Variants in CARD10 observed in about 807,000 individuals in gnomAD.
CARD10 encodes the protein caspase recruitment domain family member 10.
CARD10 carries 49 observed loss-of-function variants against 114.6 expected under a neutral mutation model. That is an observed-to-expected ratio of 0.43 (90% CI 0.34 to 0.54). CARD10 has a LOEUF of 0.54. CARD10 is among the 20% of genes least tolerant of loss of function. The pLI, the probability that CARD10 is intolerant of heterozygous loss-of-function variation, is 0.03. For missense variants in CARD10, 1,206 were observed against 1,397.2 expected (o/e 0.86, Z 2.18); for synonymous variants, 602 against 593.2 (o/e 1.01, Z -0.21).
At chr22:37,503,143 C>T (rs761091224) in intron 10 of CARD10, 42 bp downstream of exon 10, 2 of 1,603,906 alleles carry the variant, frequency 1.2e-6, no homozygotes, top group Admixed American at 3.4e-5. Context: ...GCCACCTCCC[C>T]CGACCAGAGG....
chr22:37,508,480 G>C (rs367729590), intron 5 of CARD10, 47 bp downstream of exon 5: 21 of 1,532,804 alleles, frequency 1.4e-5, no homozygotes, highest in Non-Finnish European at 1.7e-5. Flanking sequence ...CACAGGCCCT[G>C]CCTGACACCC....
chr22:37,503,499 CCACCCCTGATCTCT>C (rs1923294643), intron 9 of CARD10, among the ~76,000 whole-genome samples: 1 of 152,128 alleles, frequency 6.6e-6, no homozygotes, highest in Non-Finnish European at 1.5e-5. Context: ...CTCCTGGAAG[CCACCCCTGATCTCT>C]CACCCCTCAC....
chr22:37,495,080 A>G (rs916289966), intron 15 of CARD10, among the ~76,000 whole-genome samples: 5 of 151,798 alleles, frequency 3.3e-5, no homozygotes, highest in Admixed American at 3.3e-4. Flanking sequence ...CTCCCGCCTC[A>G]GCCTCCCAAG....
Position 37,496,420 on chromosome 22 carries a change from A to G in CARD10, c.2059+29T>C. On this transcript the variant is annotated intron_variant, in intron 13 of 19. Transcript: ENST00000251973. The surrounding 1 kb of genome is among the most constrained non-coding windows in gnomAD (Gnocchi z 4.1). ...CGGGTTAGAGGACCCCTCTGGGGCCAACAGCTCCGACTCCCAAGCCAGACT... is the reference window on the plus strand; with the variant it reads ...CGGGTTAGAGGACCCCTCTGGGGCCGACAGCTCCGACTCCCAAGCCAGACT... 1 of 1,549,748 alleles carries G rather than the reference A, an allele frequency of 6.5e-7. No homozygotes were observed. The highest frequency in any genetic ancestry group is 8.9e-7 in the Non-Finnish European group (1 of 1,123,666).
intron 3 of CARD10, chr22:37,514,600 A>G (rs1923772080): frequency 6.6e-6 from 1 of 152,334 alleles, no homozygotes; most frequent in Non-Finnish European, 1.5e-5. Context: ...CCTCCCCAAG[A>G]TATCGACCCA....
chr22:37,499,391 G>A (rs114007626), intron 11 of CARD10, among the ~76,000 whole-genome samples: 2,727 of 152,128 alleles, frequency 0.018, 106 homozygotes, highest in African/African-American at 0.063. Context: ...ATCACCTCTC[G>A]CTTGCCTCAG....
At position 37,518,105 on chromosome 22, in the gene CARD10, C is replaced by T. The variant is rs772945473; in HGVS notation, c.239G>A (p.Arg80His). The change falls in exon 2 of 20, where the codon CGC becomes CAC. Residue 80 changes from arginine (R) to histidine (H), a missense_variant. Physicochemically the swap from Arg to His is conservative, Grantham distance 29. Coordinates refer to ENST00000251973, the MANE Select transcript of CARD10 (RefSeq NM_014550.4). ...ACGGCAGCGCAAGATGTCCATCAGGCGCCCTACAGAGTAGTGGGGGGATGT... is the reference window on the plus strand; with the variant it reads ...ACGGCAGCGCAAGATGTCCATCAGGTGCCCTACAGAGTAGTGGGGGGATGT... ...RFPCRVNRTG[R>H]LMDILRCRGK... The T allele has an allele frequency of 4.3e-6, 7 of 1,613,630 alleles. No homozygotes were observed. The highest frequency in any genetic ancestry group is 2.2e-5 in the South Asian group (2 of 91,068).
intron 7 of CARD10, 108 bp from the exon 8 acceptor site, chr22:37,504,877 C>A: frequency 1.9e-6 from 1 of 522,724 alleles, no homozygotes; most frequent in South Asian, 6.9e-5. Context: ...GATCCCTGTC[C>A]TCAGGGAGCT....
intron 8 of CARD10, 109 bp downstream of exon 8, chr22:37,504,526 C>A: frequency 1.4e-6 from 2 of 1,435,462 alleles, no homozygotes; most frequent in South Asian, 1.7e-5. Context: ...GGCCTCCCTG[C>A]GCCTCAGTGT....
chr22:37,504,507 A>C, intron 8 of CARD10, 128 bp downstream of exon 8: 1 of 1,383,854 alleles, frequency 7.2e-7, no homozygotes, highest in Non-Finnish European at 9.6e-7. Context: ...GAGCTTCAGT[A>C]AAGTACTTGG....
At chr22:37,509,086 TG>T (rs1235787470) in intron 4 of CARD10, 2 of 1,546,308 alleles carry the variant, frequency 1.3e-6, no homozygotes, top group Admixed American at 4.0e-5. Flanking sequence ...GGGCTGAGCC[TG>T]GCCCATACAG....
chr22:37,494,160 C>T lies in CARD10; in HGVS notation c.2402G>A (p.Arg801Gln), dbSNP rs868486484. Residue 801 changes from arginine to glutamine, a missense_variant, in exon 16 of 20, where the codon CGG becomes CAG. Transcript: ENST00000251973. ...CCCCACGGGCTTGGGCCTCACCAGC[C>T]GCAGCTGGTCCAGGGCTCTCTTCTT... ...NLKKRALDQL[R>Q]LVRPKPVGAP... 57 of 1,556,386 alleles carry T rather than the reference C, an allele frequency of 3.7e-5. No homozygotes were observed. Among genetic ancestry groups the T allele is most frequent in the Non-Finnish European group, 4.8e-5 (55 of 1,150,220 alleles).
chr22:37,495,926 G>A lies in CARD10; in HGVS notation c.2137C>T (p.Leu713Phe). Reference sequence around the variant, plus strand: ...GGATCTGCCCTCTCAGGCAAGGTGAGGTTGGCACGAATGTAGAAGGGCTCG... The same window carrying A: ...GGATCTGCCCTCTCAGGCAAGGTGAAGTTGGCACGAATGTAGAAGGGCTCG... Reference protein sequence around the residue: ...GAEPFYIRANLTLPERADPHA... With the variant: ...GAEPFYIRANFTLPERADPHA... The change falls in exon 14 of 20, where the codon CTC becomes TTC. Residue 713 changes from leucine (L) to phenylalanine (F), a missense_variant. Around this residue, in one of 2 missense-constraint regions of CARD10, gnomAD observed 1,068 missense variants for 1,179.1 expected, o/e 0.91. Coordinates refer to ENST00000251973, the MANE Select transcript of CARD10 (RefSeq NM_014550.4). The A allele has an allele frequency of 6.2e-7, 1 of 1,614,196 alleles. No individual in the cohort carries two copies. The highest frequency in any genetic ancestry group is 8.5e-7 in the Non-Finnish European group (1 of 1,180,048).
intron 1 of CARD10, among the ~76,000 whole-genome samples, chr22:37,518,414 G>A (rs1168887239): frequency 2.6e-5 from 4 of 152,184 alleles, no homozygotes; most frequent in Non-Finnish European, 5.9e-5. Context: ...ATCCCCAGAA[G>A]CAAAGAAAAT....
At chr22:37,507,565 G>A (rs1923454821) in intron 6 of CARD10, among the ~76,000 whole-genome samples, 1 of 152,218 alleles carries the variant, frequency 6.6e-6, no homozygotes, top group African/African-American at 2.4e-5. Context: ...CAGAACAAGG[G>A]ATTCAAAAAT....
chr22:37,504,038 G>T, intron 9 of CARD10, 148 bp downstream of exon 9: 1 of 732,676 alleles, frequency 1.4e-6, no homozygotes, highest in Non-Finnish European at 2.5e-6. Flanking sequence ...CACAGGACCT[G>T]GGTTTCCAGA....
chr22:37,518,649 G>A (rs946739604), intron 1 of CARD10, among the ~76,000 whole-genome samples: 2 of 152,196 alleles, frequency 1.3e-5, no homozygotes, highest in Non-Finnish European at 2.9e-5. Flanking sequence ...CAAGTCCACC[G>A]GCTGTGACCG....
chr22:37,506,370 C>T lies in CARD10; in HGVS notation c.1205G>A (p.Arg402His), dbSNP rs199929114. The change falls in exon 7 of 20, where the codon CGT becomes CAT. Residue 402 changes from arginine (R) to histidine (H), a missense_variant. This residue lies in a region of CARD10 where 1,068 missense variants were observed against 1,179.1 expected (regional missense o/e 0.91). Coordinates refer to ENST00000251973, the MANE Select transcript of CARD10 (RefSeq NM_014550.4). ...TGAGTACTGCAACTGGATCCGGTCA[C>T]GGCTCTGGATGGCCTAGGGTTGGGG... ...EKERDQAIQS[R>H]DRIQLQYSQS... is the part of the protein sequence containing the mutation. 18 of 1,589,644 alleles carry T rather than the reference C, an allele frequency of 1.1e-5. No individual in the cohort carries two copies. The highest frequency in any genetic ancestry group is 8.1e-5 in the African/African-American group (6 of 74,436).
chr22:37,495,549 G>T lies in CARD10; in HGVS notation c.2341C>A (p.Pro781Thr), dbSNP rs746726047. ...CGGGGGCCTCGGTGCCGGCTGGAGG[G>T]CAGGCATTTCTCCTGAACTTCTAGG... ...QLLEVQEKCL[P>T]SSRHRGPRSN... The change falls in exon 15 of 20, where the codon CCC (proline) becomes ACC (threonine). Residue 781 changes from proline (P) to threonine (T), a missense_variant. Physicochemically the swap from Pro to Thr is conservative, Grantham distance 38. This residue lies in a region of CARD10 where 1,068 missense variants were observed against 1,179.1 expected (regional missense o/e 0.91). Transcript: ENST00000251973. 2 of 1,613,240 alleles carry T rather than the reference G, an allele frequency of 1.2e-6. No individual in the cohort carries two copies. The highest frequency in any genetic ancestry group is 1.7e-6 in the Non-Finnish European group (2 of 1,179,832).
Sources: gnomAD v4.1 joint callset for allele counts (sites outside exome capture counted in the v4.1 genomes callset) on GRCh38, gnomAD v4.1.1 for gene constraint, gnomAD v4.1.1 regional missense constraint, Gnocchi (gnomAD v3.1) non-coding constraint, MANE v1.5 for transcripts, NCBI Gene and HGNC (gene_info 2026-07-23, HGNC 2026-07-21) for gene names.